Variants in SPHKAP observed in about 807,000 individuals in gnomAD.
SPHKAP encodes A-kinase anchor protein SPHKAP.
In SPHKAP, 67 loss-of-function variants were observed where a neutral mutation model predicts 137.5. That is an observed-to-expected ratio of 0.49 (90% CI 0.40 to 0.60). The LOEUF (loss-of-function observed/expected upper bound fraction) is 0.60. Ranked by LOEUF, SPHKAP falls within the 20% of genes least tolerant of loss-of-function variation. The pLI is 0.00. For missense variants in SPHKAP, 2,097 were observed against 2,069.3 expected, an observed-to-expected ratio of 1.01 and a Z score of -0.26; for synonymous variants, 813 against 785.3, an observed-to-expected ratio of 1.04 and a Z score of -0.59.
At chr2:228,045,736 CTT>C (rs1434575281) in intron 3 of SPHKAP, among the ~76,000 whole-genome samples, 4 of 151,484 alleles carry the variant, frequency 2.6e-5, no homozygotes, top group African/African-American at 7.3e-5. Context: ...TACCCTAAAA[CTT>C]AAAGTATAAT....
Position 227,981,610 on chromosome 2 carries a change from T to G in SPHKAP, c.*107A>C, listed in dbSNP as rs1574702577. The G allele has an allele frequency of 1.4e-6, 2 of 1,413,506 alleles. No individual in the cohort carries two copies. Among genetic ancestry groups the G allele is most frequent in the South Asian group, 2.9e-5 (2 of 68,568 alleles). 87.6% of individuals were successfully genotyped at this position (1,413,506 alleles called of 1,614,324 possible). A position where few individuals can be genotyped will look rare whatever the true frequency, so the allele number is the denominator to read the frequency against. On this transcript the variant is annotated 3_prime_UTR_variant, in exon 12 of 12. Transcript: ENST00000392056. ...AGTAGCAGATTTTTTTTTATAGTTC[T>G]GCTAATGTGATGTGATGTTTTGAGA... is the stretch of plus-strand genomic sequence containing the variant.
At position 227,995,519 on chromosome 2, in the gene SPHKAP, G is replaced by T. The variant is rs376978488; in HGVS notation, c.4624C>A (p.Arg1542=). The T allele has an allele frequency of 3.7e-6, 6 of 1,613,856 alleles. No individual in the cohort carries two copies. The highest frequency in any genetic ancestry group is 2.7e-5 in the African/African-American group (2 of 74,898). The change falls in exon 8 of 12, where the codon CGA becomes AGA. Residue 1542 remains arginine (R), a synonymous_variant. Transcript: ENST00000392056. ...DTSSFLQLSE[R]SMSNGNSSAT... ...GGGAAGAGCAGGTACCTCATGGATC[G>T]CTCACTGAGCTGGAGAAAGCTACTT...
intron 3 of SPHKAP, among the ~76,000 whole-genome samples, chr2:228,104,161 A>T (rs1327555970): frequency 6.7e-6 from 1 of 149,098 alleles, no homozygotes; most frequent in African/African-American, 2.4e-5. Flanking sequence ...TGCACTAGGT[A>T]ATTTAAAATG....
chr2:228,084,461 A>G (rs1036623335), intron 3 of SPHKAP, among the ~76,000 whole-genome samples: 3 of 152,298 alleles, frequency 2.0e-5, no homozygotes, highest in African/African-American at 7.2e-5. Context: ...ATGTTTTTAT[A>G]CATTTATATA....
chr2:228,013,410 C>A (rs972867261), intron 7 of SPHKAP, among the ~76,000 whole-genome samples: 1 of 152,134 alleles, frequency 6.6e-6, no homozygotes, highest in Non-Finnish European at 1.5e-5. Context: ...CCACACCTGG[C>A]TAATTTTTGT....
intron 3 of SPHKAP, among the ~76,000 whole-genome samples, chr2:228,049,511 A>AT (rs1696178398): frequency 6.6e-6 from 1 of 152,172 alleles, no homozygotes; most frequent in South Asian, 2.1e-4. Flanking sequence ...ATTTACAATA[A>AT]TTTTGGCTTT....
At chr2:228,068,133 ACAAATAAAAT>A (rs991372129) in intron 3 of SPHKAP, among the ~76,000 whole-genome samples, 12 of 152,300 alleles carry the variant, frequency 7.9e-5, no homozygotes, top group African/African-American at 2.9e-4. Context: ...TACAATAGCT[ACAAATAAAAT>A]TAAATACCGA....
At chr2:228,153,793 C>G (rs752756269) in intron 1 of SPHKAP, among the ~76,000 whole-genome samples, 4 of 151,988 alleles carry the variant, frequency 2.6e-5, no homozygotes, top group Non-Finnish European at 4.4e-5. Context: ...ATTTCTGGAA[C>G]AGAAATTCAC....
chr2:228,056,448 G>A (rs1245218795), intron 3 of SPHKAP, among the ~76,000 whole-genome samples: 1 of 152,088 alleles, frequency 6.6e-6, no homozygotes, highest in African/African-American at 2.4e-5. Flanking sequence ...ATGTTATGGT[G>A]AAGTCGTGGC....
intron 11 of SPHKAP, among the ~76,000 whole-genome samples, chr2:227,986,078 C>T (rs1693198062): frequency 6.6e-6 from 1 of 152,158 alleles, no homozygotes; most frequent in African/African-American, 2.4e-5. Flanking sequence ...CGTAAAACCT[C>T]CCCACGTGAC....
intron 3 of SPHKAP, among the ~76,000 whole-genome samples, chr2:228,057,161 T>C (rs569705915): frequency 3.9e-5 from 6 of 152,212 alleles, no homozygotes; most frequent in Non-Finnish European, 8.8e-5. Context: ...TATTCTATAA[T>C]ACCTTAAAAG....
intron 2 of SPHKAP, among the ~76,000 whole-genome samples, chr2:228,119,235 GA>G (rs1455901981): frequency 1.3e-5 from 2 of 152,094 alleles, no homozygotes; most frequent in Non-Finnish European, 2.9e-5. Context: ...AGTGGTGGAG[GA>G]AGTGATGGGA....
chr2:228,042,468 A>T (rs1040601340), intron 3 of SPHKAP, among the ~76,000 whole-genome samples: 1 of 152,180 alleles, frequency 6.6e-6, no homozygotes, highest in African/African-American at 2.4e-5. Flanking sequence ...CATCATTTCT[A>T]AAAGAAGCTA....
At chr2:228,059,007 G>GT (rs1279762082) in intron 3 of SPHKAP, among the ~76,000 whole-genome samples, 3 of 152,062 alleles carry the variant, frequency 2.0e-5, no homozygotes, top group Admixed American at 6.6e-5. Context: ...CTATAGTTTT[G>GT]TTTTTTCCAG....
At chr2:228,003,332 G>T (rs2106183980) in intron 7 of SPHKAP, among the ~76,000 whole-genome samples, 1 of 152,240 alleles carries the variant, frequency 6.6e-6, no homozygotes, top group Middle Eastern at 3.4e-3. Flanking sequence ...TGAAGCAATT[G>T]TGAATGGGAG....
At chr2:228,071,633 G>GT (rs368437055) in intron 3 of SPHKAP, among the ~76,000 whole-genome samples, 14 of 151,894 alleles carry the variant, frequency 9.2e-5, no homozygotes, top group South Asian at 2.1e-4. Flanking sequence ...TGCAAGGCTT[G>GT]TTTTTTTTGT....
At chr2:228,167,958 A>T (rs534431540) in intron 1 of SPHKAP, among the ~76,000 whole-genome samples, 12 of 152,294 alleles carry the variant, frequency 7.9e-5, no homozygotes, top group Non-Finnish European at 1.5e-4. Flanking sequence ...TCATACATGA[A>T]TACCTTTAGT....
chr2:228,022,399 T>C (rs1694875678), intron 5 of SPHKAP, among the ~76,000 whole-genome samples: 1 of 152,178 alleles, frequency 6.6e-6, no homozygotes, highest in Non-Finnish European at 1.5e-5. Flanking sequence ...CTGTGTTTGA[T>C]AATTGGCTTT....
chr2:228,127,291 T>G (rs1699107200), intron 2 of SPHKAP, among the ~76,000 whole-genome samples: 1 of 152,232 alleles, frequency 6.6e-6, no homozygotes. Flanking sequence ...TTGTAAAGAA[T>G]TAGCTTGCAA....
Sources: gnomAD v4.1 joint callset for allele counts (sites outside exome capture counted in the v4.1 genomes callset) on GRCh38, gnomAD v4.1.1 for gene constraint, MANE v1.5 for transcripts, NCBI Gene and HGNC (gene_info 2026-07-23, HGNC 2026-07-21) for gene names.